PCDHA2: variants seen among roughly 807,000 people sequenced by gnomAD.
PCDHA2 encodes the protein protocadherin alpha 2.
Under a neutral mutation model 66.0 loss-of-function variants are expected in PCDHA2, and 58 were observed. The observed-to-expected ratio is 0.88, with a 90% confidence interval of 0.71 to 1.09. PCDHA2 has a LOEUF of 1.09. Ranked by LOEUF, PCDHA2 falls within the 50% of genes least tolerant of loss-of-function variation. The probability of loss-of-function intolerance (pLI) is 0.00; values close to 1 mark genes in which losing one functional copy is unlikely to be tolerated. For synonymous variants in PCDHA2, 634 were observed against 554.0 expected (o/e 1.14, Z -2.03); for missense variants, 1,267 against 1,242.3 (o/e 1.02, Z -0.30).
At chr5:140,937,067 T>C (rs2091302961) in intron 1 of PCDHA2, among the ~76,000 whole-genome samples, 1 of 148,650 alleles carries the variant, frequency 6.7e-6, no homozygotes, top group South Asian at 2.1e-4. Flanking sequence ...AGACGGAGTC[T>C]CGCTCTGTCG....
intron 1 of PCDHA2, chr5:140,876,963 G>A: frequency 6.2e-7 from 1 of 1,613,068 alleles, no homozygotes; most frequent in Middle Eastern, 1.8e-4. Flanking sequence ...TGGTGGAGCG[G>A]CGGGTGGGCG....
chr5:140,944,463 A>C (rs2093660880), intron 1 of PCDHA2, among the ~76,000 whole-genome samples: 1 of 152,198 alleles, frequency 6.6e-6, no homozygotes, highest in Admixed American at 6.5e-5. Flanking sequence ...CTGGGATTAC[A>C]GGTATGAGGC....
rs548585515 is a variant in PCDHA2 at position 140,853,706 on chromosome 5, G to A, written c.2388+56354G>A. 358 of 988,170 alleles carry A rather than the reference G, an allele frequency of 3.6e-4. 28 individuals are homozygous for A. The South Asian group carries it at 0.015, about 41-fold the overall frequency. The allele number at this position is 988,170 out of a possible 1,614,324, so 61.2% of individuals were successfully genotyped here. A position where few individuals can be genotyped will look rare whatever the true frequency, so the allele number is the denominator to read the frequency against. ...TATCCTTAGACCTGCTAACGCATTA[G>A]CATTAGCAGCACCTAAGTCCTCATT... On this transcript the variant is annotated intron_variant, in intron 1 of 3. Coordinates refer to ENST00000526136, the MANE Select transcript of PCDHA2 (RefSeq NM_018905.3).
rs3776115 is a variant in PCDHA2 at position 140,970,956 on chromosome 5, G to A, written c.2389-7993G>A. Among the ~76,000 whole-genome samples, 119 of 152,278 alleles carry A rather than the reference G, an allele frequency of 7.8e-4. 3 individuals carry two copies. In the East Asian group the frequency reaches 0.019, roughly 25 times the overall value. On this transcript the variant is annotated intron_variant, in intron 1 of 3. Coordinates refer to ENST00000526136, the MANE Select transcript of PCDHA2 (RefSeq NM_018905.3). The stretch of plus-strand genomic sequence containing the variant: ...TAGTCAATGCTGAGAAACCATGGGA[G>A]GCAGATTGTAGATTAAGAAAAATGG...
chr5:140,944,255 A>G (rs1266795910), intron 1 of PCDHA2, among the ~76,000 whole-genome samples: 5 of 152,098 alleles, frequency 3.3e-5, no homozygotes, highest in African/African-American at 1.2e-4. Context: ...TGATGTGATC[A>G]CTGCTCACTG....
rs1329629372 is a variant in PCDHA2, at chr5:140,796,967, C to T, written c.2003C>T (p.Ser668Leu). 1.2e-6 allele frequency: 2 copies of T among 1,613,788 alleles called. No homozygotes were observed. Among genetic ancestry groups the T allele is most frequent in the African/African-American group, 1.3e-5 (1 of 75,058 alleles). ...ALTATATVLV[S>L]LVESGQAPKA... ...ACAGCCACGGCCACCGTGTTAGTGT[C>T]GTTGGTGGAAAGTGGCCAGGCACCC... Residue 668 changes from serine (S) to leucine (L), a missense_variant, in exon 1 of 4, where the codon TCG (serine) becomes TTG (leucine). Coordinates refer to ENST00000526136, the MANE Select transcript of PCDHA2 (RefSeq NM_018905.3).
rs1554262229 is a variant in PCDHA2, at chr5:141,009,613, G to A, written c.2537-14G>A. ...GTTGACCCTGTTAATGATTTGTAATGTTTTGTCTTTCAGAACCAGAGGCAG... is the reference window on the plus strand; with the variant it reads ...GTTGACCCTGTTAATGATTTGTAATATTTTGTCTTTCAGAACCAGAGGCAG... On this transcript the variant is annotated splice_polypyrimidine_tract_variant and intron_variant, in intron 3 of 3. Coordinates refer to ENST00000526136, the MANE Select transcript of PCDHA2 (RefSeq NM_018905.3). The A allele has an allele frequency of 6.2e-7, 1 of 1,611,932 alleles. No individual in the cohort carries two copies. Among genetic ancestry groups the A allele is most frequent in the Non-Finnish European group, 8.5e-7 (1 of 1,178,618 alleles).
intron 1 of PCDHA2, chr5:140,876,794 T>G: frequency 6.2e-7 from 1 of 1,614,056 alleles, no homozygotes; most frequent in Non-Finnish European, 8.5e-7. Flanking sequence ...ACGGCTAGAG[T>G]GTCCGTGGAG....
At chr5:140,990,541 A>T (rs868916666) in intron 3 of PCDHA2, among the ~76,000 whole-genome samples, 1 of 152,210 alleles carries the variant, frequency 6.6e-6, no homozygotes, top group Admixed American at 6.5e-5. Context: ...CATCATAGAT[A>T]CTGTATTACC....
chr5:140,870,061 C>G, intron 1 of PCDHA2: 1 of 1,613,758 alleles, frequency 6.2e-7, no homozygotes, highest in Non-Finnish European at 8.5e-7. Flanking sequence ...AATTGAAGTA[C>G]AGGCTACAGA....
chr5:140,818,281 T>C (rs1475330326), intron 1 of PCDHA2, among the ~76,000 whole-genome samples: 2 of 152,230 alleles, frequency 1.3e-5, no homozygotes, highest in Non-Finnish European at 2.9e-5. Flanking sequence ...TGTTTCATAA[T>C]CCATGTTTTA....
chr5:140,835,636 T>C (rs1460811244), intron 1 of PCDHA2: 1 of 1,613,788 alleles, frequency 6.2e-7, no homozygotes, highest in Non-Finnish European at 8.5e-7. Flanking sequence ...CGCGAGAGTG[T>C]GTCCGCCTAT....
intron 1 of PCDHA2, chr5:140,881,460 G>T: frequency 1.6e-6 from 1 of 637,280 alleles, no homozygotes; most frequent in Non-Finnish European, 2.0e-6. Flanking sequence ...AAACCTTAGA[G>T]CATTGTTGTG....
At chr5:140,808,973 G>C (rs782400718) in intron 1 of PCDHA2, 3 of 1,613,674 alleles carry the variant, frequency 1.9e-6, no homozygotes, top group East Asian at 2.2e-5. Flanking sequence ...AAAGGTGCGC[G>C]CGGTGGATGC....
chr5:140,833,597 T>C (rs1466793693), intron 1 of PCDHA2, among the ~76,000 whole-genome samples: 1 of 152,196 alleles, frequency 6.6e-6, no homozygotes, highest in Non-Finnish European at 1.5e-5. Flanking sequence ...ATATATAGAT[T>C]CTGCTAAAGC....
chr5:140,883,868 C>G lies in PCDHA2; in HGVS notation c.2388+86516C>G, dbSNP rs782022578. ...CGAGGAGCTGGAGCTGTTGCAGTTC[C>G]AGGTGAGCGCGCGCGACTCTGGCGT... On this transcript the variant is annotated intron_variant, in intron 1 of 3. Coordinates refer to ENST00000526136, the MANE Select transcript of PCDHA2 (RefSeq NM_018905.3). 9.9e-6 allele frequency: 16 copies of G among 1,613,048 alleles called. No homozygotes were observed. The Admixed American group carries it at 2.5e-4, about 25-fold the overall frequency.
At chr5:140,845,597 G>C (rs1779944998) in intron 1 of PCDHA2, among the ~76,000 whole-genome samples, 1 of 149,484 alleles carries the variant, frequency 6.7e-6, no homozygotes, top group African/African-American at 2.4e-5. Flanking sequence ...TCAGAAGTTA[G>C]TTATTAAGTA....
rs1554122539 is a variant in PCDHA2 at position 140,803,038 on chromosome 5, G to C, written c.2388+5686G>C. ...TGGCTTTCGTATGAGCTGCAGCCTG[G>C]GACCGGCGGTGCGCGCATCCCGTTT... On this transcript the variant is annotated intron_variant, in intron 1 of 3. Transcript: ENST00000526136. 2.5e-6 allele frequency: 4 copies of C among 1,614,052 alleles called. No individual in the cohort carries two copies. The Admixed American group carries it at 6.7e-5, about 27-fold the overall frequency.
At chr5:140,866,584 T>C (rs2049444092) in intron 1 of PCDHA2, 1 of 152,156 alleles carries the variant, frequency 6.6e-6, no homozygotes, top group Non-Finnish European at 1.5e-5. Context: ...GGTTGGATAA[T>C]GTAATTCTAA....
Sources: allele counts gnomAD v4.1 joint callset (sites outside exome capture counted in the v4.1 genomes callset), GRCh38; gene constraint gnomAD v4.1.1; transcripts MANE v1.5; gene names NCBI Gene and HGNC (gene_info 2026-07-23, HGNC 2026-07-21).